Variants in PLAAT5 observed in about 807,000 individuals in gnomAD.
The protein encoded by PLAAT5 is phospholipase A and acyltransferase 5, also known as Ca(2+)-independent N-acyltransferase.
A neutral mutation model predicts 27.8 loss-of-function variants in PLAAT5; 27 were observed. The observed-to-expected ratio is 0.97, with a 90% CI of 0.72 to 1.34. The LOEUF is 1.34. Ranked by LOEUF, PLAAT5 falls within the 40% of genes most tolerant of loss-of-function variation. The pLI is 0.00. For missense variants in PLAAT5, 368 were observed against 343.8 expected (o/e 1.07, Z -0.56); for synonymous variants, 125 against 136.1 (o/e 0.92, Z 0.57).
chr11:63,465,103 C>A (rs923616604), intron 5 of PLAAT5, among the ~76,000 whole-genome samples: 8 of 152,032 alleles, frequency 5.3e-5, no homozygotes, highest in Non-Finnish European at 8.8e-5. Flanking sequence ...CATGGCAAAA[C>A]CCCATTTCTA....
At chr11:63,490,062 A>G (rs1038932856) in intron 2 of PLAAT5, among the ~76,000 whole-genome samples, 181 bp downstream of exon 2, 6 of 152,228 alleles carry the variant, frequency 3.9e-5, no homozygotes, top group Non-Finnish European at 2.9e-5. Context: ...TGTGGCCAGC[A>G]GGTCCCAAGC....
At chr11:63,472,754 T>C (rs976083562) in intron 3 of PLAAT5, among the ~76,000 whole-genome samples, 2 of 152,194 alleles carry the variant, frequency 1.3e-5, no homozygotes, top group African/African-American at 2.4e-5. Flanking sequence ...AGAAATTCCA[T>C]TGATTTTTGT....
chr11:63,466,523 C>T (rs1045233558), intron 4 of PLAAT5, 151 bp from the exon 5 acceptor site: 32 of 800,936 alleles, frequency 4.0e-5, no homozygotes, highest in Non-Finnish European at 9.7e-6. Flanking sequence ...ATCAAAGAAC[C>T]GCAGAGAATC....
chr11:63,490,463 A>T, intron 1 of PLAAT5, 130 bp from the exon 2 acceptor site: 1 of 1,455,386 alleles, frequency 6.9e-7, no homozygotes, highest in Non-Finnish European at 9.5e-7. Context: ...GGCCTCAGAA[A>T]ATCTTGGGAT....
intron 3 of PLAAT5, among the ~76,000 whole-genome samples, chr11:63,482,879 T>TAAGGACAC (rs2016319430): frequency 2.0e-5 from 3 of 152,058 alleles, no homozygotes; most frequent in South Asian, 4.2e-4. Context: ...ACCTAATGCA[T>TAAGGACAC]AAGGACACAT....
intron 3 of PLAAT5, among the ~76,000 whole-genome samples, chr11:63,478,227 G>C (rs1295731196): frequency 1.3e-5 from 2 of 152,090 alleles, no homozygotes; most frequent in African/African-American, 2.4e-5. Flanking sequence ...CACCCACCTG[G>C]ATAGAACTTC....
At chr11:63,473,065 G>A (rs191433000) in intron 3 of PLAAT5, among the ~76,000 whole-genome samples, 8 of 151,982 alleles carry the variant, frequency 5.3e-5, no homozygotes, top group Non-Finnish European at 1.0e-4. Context: ...AGCTGAGATC[G>A]TGCCACTGCA....
intron 3 of PLAAT5, among the ~76,000 whole-genome samples, chr11:63,481,362 C>A (rs901749270): frequency 3.3e-5 from 5 of 152,200 alleles, no homozygotes; most frequent in African/African-American, 1.2e-4. Context: ...ATCACTTGAA[C>A]CTGGGAGATG....
At chr11:63,470,892 A>C (rs908375814) in intron 3 of PLAAT5, 1 of 152,208 alleles carries the variant, frequency 6.6e-6, no homozygotes, top group African/African-American at 2.4e-5. Context: ...AGTGAATAAG[A>C]GTATTTATTC....
In PLAAT5 at chr11:63,466,241, G is replaced by A; in HGVS notation, c.586C>T (p.Pro196Ser). The A allele has an allele frequency of 2.5e-6, 4 of 1,614,158 alleles. No homozygotes were observed. Among genetic ancestry groups the A allele is most frequent in the Non-Finnish European group, 3.4e-6 (4 of 1,180,038 alleles). The change falls in exon 5 of 6, where the codon CCC becomes TCC. Residue 196 changes from proline (P) to serine (S), a missense_variant. Coordinates refer to ENST00000540857, the MANE Select transcript of PLAAT5 (RefSeq NM_001146729.2). ...TGGATGATCTTGTCCACCGGCAAGG[G>A]CAGGTACGTCCCATCTAGCTTGTTA... ...VNNKLDGTYL[P>S]LPVDKIIQRT... is the part of the protein sequence containing the mutation.
chr11:63,481,562 C>T (rs971311819), intron 3 of PLAAT5, among the ~76,000 whole-genome samples: 1 of 152,216 alleles, frequency 6.6e-6, no homozygotes, highest in Non-Finnish European at 1.5e-5. Flanking sequence ...GCCCTTCTCC[C>T]GGAAACAGGT....
intron 2 of PLAAT5, 121 bp from the exon 3 acceptor site, chr11:63,489,097 T>TC (rs889045037): frequency 4.7e-5 from 28 of 593,664 alleles, no homozygotes; most frequent in South Asian, 3.4e-4. Context: ...AGGGAACATT[T>TC]CCCCCCGTTT....
intron 2 of PLAAT5, 121 bp downstream of exon 2, chr11:63,490,122 G>A (rs1041657749): frequency 1.5e-6 from 2 of 1,306,746 alleles, no homozygotes; most frequent in Non-Finnish European, 2.2e-6. Context: ...CCCCTTGCTG[G>A]GTACCGGCTG....
rs1347974226 is a variant in PLAAT5, at chr11:63,490,972, G to A, written c.63C>T (p.Pro21=). The part of the protein sequence containing the change: ...YALRLPRIPP[P]LPKPASRTAS... ...CGGTTCGCGAGGCGGGTTTGGGGAG[G>A]GGTGGGGGAATCCTAGGGAGGCGGA... is the stretch of plus-strand genomic sequence containing the variant. The change falls in exon 1 of 6, where the codon CCC becomes CCT. Residue 21 remains proline, a synonymous_variant. Transcript: ENST00000540857. 1 of 1,584,426 alleles carries A rather than the reference G, an allele frequency of 6.3e-7. No homozygotes were observed. Among genetic ancestry groups the A allele is most frequent in the South Asian group, 1.1e-5 (1 of 87,584 alleles).
At chr11:63,489,005 C>A (rs763484506) in intron 2 of PLAAT5, 29 bp from the exon 3 acceptor site, 41 of 1,391,278 alleles carry the variant, frequency 2.9e-5, no homozygotes, top group Admixed American at 3.5e-5. Flanking sequence ...ACAAAGTTAA[C>A]AAATATCACT....
rs34908747 is a variant in PLAAT5, at chr11:63,490,348, G to C, written c.149-15C>G. The stretch of plus-strand genomic sequence containing the variant: ...CACGGATTCTTCTAATTCAAGGGGG[G>C]AAATGCTATTTAGACCTGTGAAAGG... On this transcript the variant is annotated splice_polypyrimidine_tract_variant and intron_variant, in intron 1 of 5. Coordinates refer to ENST00000540857, the MANE Select transcript of PLAAT5 (RefSeq NM_001146729.2). The C allele has an allele frequency of 1.2e-6, 2 of 1,614,100 alleles. No individual in the cohort carries two copies. The highest frequency in any genetic ancestry group is 2.2e-5 in the South Asian group (2 of 91,080).
intron 3 of PLAAT5, among the ~76,000 whole-genome samples, chr11:63,473,070 A>G (rs965303980): frequency 1.3e-5 from 2 of 152,094 alleles, no homozygotes; most frequent in Non-Finnish European, 2.9e-5. Flanking sequence ...AGATCGTGCC[A>G]CTGCACCACC....
chr11:63,471,070 A>G (rs1343556641), intron 3 of PLAAT5: 1 of 152,220 alleles, frequency 6.6e-6, no homozygotes. Flanking sequence ...AAATGAATGT[A>G]GAAACACATT....
chr11:63,487,454 T>A (rs1001034638), intron 3 of PLAAT5, among the ~76,000 whole-genome samples: 1 of 152,148 alleles, frequency 6.6e-6, no homozygotes, highest in South Asian at 2.1e-4. Context: ...ACTGGAACTC[T>A]TATAAACTGC....
Sources: allele counts gnomAD v4.1 joint callset (sites outside exome capture counted in the v4.1 genomes callset), GRCh38; gene constraint gnomAD v4.1.1; transcripts MANE v1.5; gene names NCBI Gene and HGNC (gene_info 2026-07-23, HGNC 2026-07-21).